RORC: variants seen among roughly 807,000 people sequenced by gnomAD.
RORC encodes nuclear receptor ROR-gamma.
A neutral mutation model predicts 64.5 loss-of-function variants in RORC; 13 were observed. The ratio of observed to expected loss-of-function variants is 0.20; its 90% CI spans 0.13 to 0.32. The LOEUF (loss-of-function observed/expected upper bound fraction) is 0.32. Among genes scored for constraint, RORC ranks in the 10% least tolerant of loss-of-function variants. The pLI is 1.00. For missense variants in RORC, 468 were observed against 669.5 expected (o/e 0.70, Z 3.32); for synonymous variants, 277 against 259.3 (o/e 1.07, Z -0.65).
At chr1:151,825,192 A>G (rs1652141340) in intron 2 of RORC, among the ~76,000 whole-genome samples, 1 of 152,026 alleles carries the variant, frequency 6.6e-6, no homozygotes, top group South Asian at 2.1e-4. Context: ...GGTCTTTCCA[A>G]TCCCATCTCC....
Position 151,829,285 on chromosome 1 carries a change from C to T in RORC, c.70+144G>A, listed in dbSNP as rs914875200. Reference sequence around the variant, plus strand: ...TGCCCTGATCTGTGGTTTCCTCGCACCTCCCCTTGCTTTCCTGTTGCCTGC... The same window carrying T: ...TGCCCTGATCTGTGGTTTCCTCGCATCTCCCCTTGCTTTCCTGTTGCCTGC... On this transcript the variant is annotated intron_variant, in intron 2 of 10. Coordinates refer to ENST00000318247, the MANE Select transcript of RORC (RefSeq NM_005060.4). 25 of 685,150 alleles carry T rather than the reference C, an allele frequency of 3.6e-5. 1 individual carries two copies. The Admixed American group carries it at 6.7e-4, about 18-fold the overall frequency. The allele number at this position is 685,150 out of a possible 1,614,324, so 42.4% of individuals were successfully genotyped here.
chr1:151,817,112 C>CTG (rs151171878), intron 3 of RORC, 83 bp downstream of exon 3: 16,860 of 639,212 alleles, frequency 0.026, 85 homozygotes, highest in Non-Finnish European at 0.032. Flanking sequence ...TAAGGAGACA[C>CTG]TGTGTGTGTG....
rs201339359 is a variant in RORC, at chr1:151,813,002, C to A, written c.1230G>T (p.Leu410Phe). 5.0e-6 allele frequency: 8 copies of A among 1,614,068 alleles called. No individual in the cohort carries two copies. Among genetic ancestry groups the A allele is most frequent in the Non-Finnish European group, 6.8e-6 (8 of 1,179,998 alleles). Reference protein sequence around the residue: ...IFDFSHSLSALHFSEDEIALY... With the variant: ...IFDFSHSLSAFHFSEDEIALY... ...GGGCAATCTCATCCTCGGAAAAGTGCAAGGCACTTAGGGAGTGGGAGAAGT... is the reference window on the plus strand; with the variant it reads ...GGGCAATCTCATCCTCGGAAAAGTGAAAGGCACTTAGGGAGTGGGAGAAGT... The change falls in exon 9 of 11, where the codon TTG (leucine) becomes TTT (phenylalanine). Residue 410 changes from leucine (L) to phenylalanine (F), a missense_variant. Physicochemically the swap from Leu to Phe is conservative, Grantham distance 22 (BLOSUM62 0). Around this residue, in one of 5 missense-constraint regions of RORC, gnomAD observed 100 missense variants for 190.8 expected, o/e 0.52. Transcript: ENST00000318247.
chr1:151,813,636 A>C lies in RORC; in HGVS notation c.934-16T>G. 1 of 1,613,838 alleles carries C rather than the reference A, an allele frequency of 6.2e-7. No homozygotes were observed. Among genetic ancestry groups the C allele is most frequent in the Non-Finnish European group, 8.5e-7 (1 of 1,179,896 alleles). On this transcript the variant is annotated splice_polypyrimidine_tract_variant and intron_variant, in intron 6 of 10. Transcript: ENST00000318247. Reference sequence around the variant, plus strand: ...CCCACATGGACTGCAGGGAGGGAGGAGGGTCCCGCTGTAGCGCTCTGTGTG... The same window carrying C: ...CCCACATGGACTGCAGGGAGGGAGGCGGGTCCCGCTGTAGCGCTCTGTGTG...
chr1:151,808,759 A>G (rs928680956), intron 10 of RORC, among the ~76,000 whole-genome samples: 1 of 152,224 alleles, frequency 6.6e-6, no homozygotes, highest in Non-Finnish European at 1.5e-5. Context: ...CAGAAAATAA[A>G]TATGTAGTGT....
At chr1:151,826,158 G>C (rs1032879890) in intron 2 of RORC, 18 of 1,204,414 alleles carry the variant, frequency 1.5e-5, no homozygotes, top group Non-Finnish European at 1.8e-5. Flanking sequence ...CCACCCCCAA[G>C]GGGTGCAGTG....
At chr1:151,820,514 G>A (rs1651947437) in intron 2 of RORC, among the ~76,000 whole-genome samples, 1 of 152,118 alleles carries the variant, frequency 6.6e-6, no homozygotes, top group African/African-American at 2.4e-5. Context: ...CCTCGAACCA[G>A]CCCCTGCACC....
intron 6 of RORC, 131 bp downstream of exon 6, chr1:151,814,443 A>G (rs1338478083): frequency 2.2e-6 from 2 of 909,066 alleles, no homozygotes; most frequent in Admixed American, 2.6e-5. Flanking sequence ...AGGTGTGCAC[A>G]TGCTTGTTGG....
In RORC at chr1:151,807,761, C is replaced by T. The variant is rs1651371474; in HGVS notation, c.1396-128G>A. On this transcript the variant is annotated intron_variant, in intron 10 of 10. Coordinates refer to ENST00000318247, the MANE Select transcript of RORC (RefSeq NM_005060.4). This position sits in a 1 kb window ranked among gnomAD's most constrained non-coding sequence, Gnocchi z 5.0. ...TCCCCTTATGTACTTGGCACTTTGG[C>T]ACCAGCCAAATCCCACTGGTAGAAG... is the stretch of plus-strand genomic sequence containing the variant. 3 of 958,788 alleles carry T rather than the reference C, an allele frequency of 3.1e-6. No individual in the cohort carries two copies. The Admixed American group carries it at 7.7e-5, about 24-fold the overall frequency. 59.4% of individuals were successfully genotyped at this position (958,788 alleles called of 1,614,324 possible).
chr1:151,827,384 G>A (rs572358861), intron 2 of RORC, among the ~76,000 whole-genome samples: 3 of 152,302 alleles, frequency 2.0e-5, no homozygotes, highest in East Asian at 1.9e-4. Context: ...TGGCCTGGGG[G>A]AGGGGGGTCC....
chr1:151,810,491 C>T (rs1296704667), intron 10 of RORC, among the ~76,000 whole-genome samples: 3 of 151,514 alleles, frequency 2.0e-5, no homozygotes, highest in Non-Finnish European at 4.4e-5. Flanking sequence ...GGGATTCAAT[C>T]TTGCATTTAA....
intron 2 of RORC, among the ~76,000 whole-genome samples, chr1:151,823,387 CTCCG>C (rs1652068675): frequency 6.6e-6 from 1 of 152,186 alleles, no homozygotes; most frequent in Non-Finnish European, 1.5e-5. Flanking sequence ...CTGGGCTACC[CTCCG>C]TCTGGCTGGC....
At chr1:151,826,239 C>T (rs971042924) in intron 2 of RORC, 4 of 437,790 alleles carry the variant, frequency 9.1e-6, no homozygotes, top group Non-Finnish European at 1.5e-5. Flanking sequence ...GGCAGCCAAT[C>T]GTAGGGGGCG....
intron 1 of RORC, chr1:151,831,107 G>A: frequency 7.8e-7 from 1 of 1,287,782 alleles, no homozygotes; most frequent in Non-Finnish European, 1.0e-6. Flanking sequence ...GTCCTTCCCT[G>A]CTGATGGCCC....
chr1:151,812,188 C>T (rs979421764), intron 9 of RORC: 1 of 152,044 alleles, frequency 6.6e-6, no homozygotes, highest in Admixed American at 6.6e-5. Context: ...TCAGTGCACC[C>T]CTTATCAATT....
At position 151,828,248 on chromosome 1, in the gene RORC, G is replaced by A. The variant is rs1324068143; in HGVS notation, c.70+1181C>T. Among the ~76,000 whole-genome samples the A allele has an allele frequency of 2.0e-5, 3 of 152,166 alleles. No homozygotes were observed. In the East Asian group the frequency reaches 5.8e-4, roughly 29 times the overall value. On this transcript the variant is annotated intron_variant, in intron 2 of 10. Coordinates refer to ENST00000318247, the MANE Select transcript of RORC (RefSeq NM_005060.4). The stretch of plus-strand genomic sequence containing the variant: ...TGGCAGTGAGCTCTCAGGAGGAACT[G>A]GCAAGGCAGTCAAGGGACGGCTATG...
chr1:151,807,189 C>T lies in RORC; in HGVS notation c.*283G>A, dbSNP rs1374680985. On this transcript the variant is annotated 3_prime_UTR_variant, in exon 11 of 11. Transcript: ENST00000318247. The surrounding 1 kb of genome is among the most constrained non-coding windows in gnomAD (Gnocchi z 5.0). The stretch of plus-strand genomic sequence containing the variant: ...TCCCCCAGAAGTCCTTAAATCCCAG[C>T]CACCCCATGCCTTCCAGAAGCTGGG... 1 of 338,232 alleles carries T rather than the reference C, an allele frequency of 3.0e-6. No individual in the cohort carries two copies. Among genetic ancestry groups the T allele is most frequent in the Non-Finnish European group, 5.4e-6 (1 of 184,876 alleles). 21.0% of individuals were successfully genotyped at this position (338,232 alleles called of 1,614,324 possible).
chr1:151,816,586 C>T, intron 4 of RORC, 78 bp downstream of exon 4: 2 of 1,437,912 alleles, frequency 1.4e-6, no homozygotes, highest in Non-Finnish European at 1.9e-6. Flanking sequence ...GCAGGTTAAG[C>T]CTTGTCTAGC....
At position 151,813,052 on chromosome 1, in the gene RORC, T is replaced by C. The variant is rs145162457; in HGVS notation, c.1180A>G (p.Ser394Gly). 33 of 1,611,338 alleles carry C rather than the reference T, an allele frequency of 2.0e-5. No homozygotes were observed. The highest frequency in any genetic ancestry group is 2.8e-5 in the Non-Finnish European group (33 of 1,177,600). ...TCAAAGATGGAGCTGATGAGCTCGC[T>C]GCAGCCTGATGGAGTGGAAATGAGA... ...GMELFRALGC[S>G]ELISSIFDFS... The change falls in exon 9 of 11, where the codon AGC (serine) becomes GGC (glycine). Residue 394 changes from serine (S) to glycine (G), a missense_variant. Around this residue, in one of 5 missense-constraint regions of RORC, gnomAD observed 100 missense variants for 190.8 expected, o/e 0.52. Coordinates refer to ENST00000318247, the MANE Select transcript of RORC (RefSeq NM_005060.4).
Sources: allele counts gnomAD v4.1 joint callset (sites outside exome capture counted in the v4.1 genomes callset), GRCh38; gene constraint gnomAD v4.1.1; regional missense constraint gnomAD v4.1.1; non-coding constraint Gnocchi (gnomAD v3.1); transcripts MANE v1.5; gene names NCBI Gene and HGNC (gene_info 2026-07-23, HGNC 2026-07-21).